ULK4: variants seen among roughly 807,000 people sequenced by gnomAD.
The protein encoded by ULK4 is inactive serine/threonine-protein kinase ULK4.
ULK4 carries 133 observed loss-of-function variants against 160.6 expected under a neutral mutation model. That is an observed-to-expected ratio of 0.83 (90% CI 0.72 to 0.96). ULK4 has a LOEUF of 0.96. ULK4 is among the 40% of genes least tolerant of loss of function. The pLI is 0.00. For synonymous variants in ULK4, 534 were observed against 539.8 expected (o/e 0.99, Z 0.15); for missense variants, 1,580 against 1,499.5 (o/e 1.05, Z -0.89).
intron 32 of ULK4, among the ~76,000 whole-genome samples, chr3:41,553,576 C>T (rs1329268494): frequency 6.6e-6 from 1 of 151,868 alleles, no homozygotes; most frequent in African/African-American, 2.4e-5. Context: ...TGGCTATTAC[C>T]AAAAGGACAA....
At chr3:41,618,137 C>A (rs149290264) in intron 30 of ULK4, among the ~76,000 whole-genome samples, 3 of 152,064 alleles carry the variant, frequency 2.0e-5, no homozygotes, top group Non-Finnish European at 4.4e-5. Context: ...AAAGACCAAA[C>A]CTATGATTGA....
intron 30 of ULK4, among the ~76,000 whole-genome samples, chr3:41,653,419 G>A (rs984690604): frequency 5.9e-5 from 9 of 152,200 alleles, no homozygotes; most frequent in African/African-American, 1.7e-4. Flanking sequence ...CCAGTGGCAT[G>A]GTATGCCCTT....
At chr3:41,802,983 G>C (rs2040510893) in intron 19 of ULK4, among the ~76,000 whole-genome samples, 1 of 152,044 alleles carries the variant, frequency 6.6e-6, no homozygotes, top group African/African-American at 2.4e-5. Context: ...TGTCCAATAT[G>C]GTGAAACCCC....
intron 22 of ULK4, among the ~76,000 whole-genome samples, chr3:41,722,672 A>C (rs989435449): frequency 6.6e-6 from 1 of 151,444 alleles, no homozygotes; most frequent in Non-Finnish European, 1.5e-5. Context: ...ATAAAATGAA[A>C]GAGAGCCTGA....
At chr3:41,414,291 T>A (rs555177146) in intron 34 of ULK4, among the ~76,000 whole-genome samples, 1 of 152,302 alleles carries the variant, frequency 6.6e-6, no homozygotes, top group South Asian at 2.1e-4. Flanking sequence ...GCAAGCACTC[T>A]TATTAGCCAC....
At chr3:41,332,524 A>G (rs951712445) in intron 35 of ULK4, among the ~76,000 whole-genome samples, 1 of 152,224 alleles carries the variant, frequency 6.6e-6, no homozygotes, top group Non-Finnish European at 1.5e-5. Context: ...CTTTGCTTGG[A>G]TGAGCAGATG....
chr3:41,689,850 A>C (rs1287247584), intron 27 of ULK4, among the ~76,000 whole-genome samples: 9 of 150,248 alleles, frequency 6.0e-5, no homozygotes, highest in South Asian at 2.1e-4. Context: ...GTGGGACTGT[A>C]AACTAGTTCA....
intron 32 of ULK4, among the ~76,000 whole-genome samples, chr3:41,541,494 T>C (rs1015491089): frequency 1.3e-5 from 2 of 152,160 alleles, no homozygotes; most frequent in Admixed American, 1.3e-4. Context: ...TTGCTTAGGA[T>C]TGTCTTGGCT....
Position 41,800,210 on chromosome 3 carries a change from A to T in ULK4, c.1932T>A (p.Ile644=). The change falls in exon 20 of 37, where the codon ATT becomes ATA. Residue 644 remains isoleucine (I), a synonymous_variant. Transcript: ENST00000301831. ...ACAAAATGGGTCCTATTTCTCCTGT[A>T]ATAAAGCCCTGGGACTGAGCAGAAA... is the stretch of plus-strand genomic sequence containing the variant. ...TTFSAQSQGF[I]TGEIGPILWY... 1 of 1,613,884 alleles carries T rather than the reference A, an allele frequency of 6.2e-7. No individual in the cohort carries two copies. The highest frequency in any genetic ancestry group is 2.2e-5 in the East Asian group (1 of 44,856).
At chr3:41,648,045 C>T (rs977771172) in intron 30 of ULK4, among the ~76,000 whole-genome samples, 11 of 152,196 alleles carry the variant, frequency 7.2e-5, no homozygotes, top group African/African-American at 2.4e-4. Context: ...TTAAGCCCGT[C>T]GGAAAAGCGC....
At chr3:41,492,347 A>G (rs2084806969) in intron 32 of ULK4, among the ~76,000 whole-genome samples, 1 of 152,136 alleles carries the variant, frequency 6.6e-6, no homozygotes, top group South Asian at 2.1e-4. Context: ...CAGTCCCGCC[A>G]ACAGTGTAAA....
chr3:41,938,037 C>T (rs1699833492), intron 3 of ULK4, 61 bp downstream of exon 3: 2 of 1,305,526 alleles, frequency 1.5e-6, no homozygotes, highest in Admixed American at 4.4e-5. Flanking sequence ...AGTAACAAAA[C>T]TTAACAGCAT....
intron 30 of ULK4, among the ~76,000 whole-genome samples, chr3:41,620,153 G>C (rs186160214): frequency 2.2e-3 from 335 of 152,304 alleles, no homozygotes; most frequent in African/African-American, 7.7e-3. Flanking sequence ...CCCAGGACCA[G>C]ACAAATTCAC....
chr3:41,565,667 CA>C lies in ULK4; in HGVS notation c.3226+357del, dbSNP rs199818627. On this transcript the variant is annotated intron_variant, in intron 32 of 36. Transcript: ENST00000301831. ...AGCCCCTCAATCTTGGACTTCTCAG[CA>C]TCTAGAACTGTACAAAATAGATTTC... 1.4e-3 allele frequency among the ~76,000 whole-genome samples: 213 copies of C among 152,318 alleles called. 4 individuals are homozygous for C. The East Asian group carries it at 0.035, about 25-fold the overall frequency.
intron 31 of ULK4, among the ~76,000 whole-genome samples, chr3:41,608,127 T>C (rs1483102834): frequency 6.6e-6 from 1 of 152,224 alleles, no homozygotes. Context: ...TTTTTCCAAT[T>C]TGGTATCTCT....
chr3:41,815,222 T>C (rs1411783988), intron 19 of ULK4, among the ~76,000 whole-genome samples: 2 of 152,240 alleles, frequency 1.3e-5, no homozygotes, highest in African/African-American at 4.8e-5. Context: ...TGTTTTATAG[T>C]CATTTTCTCT....
At chr3:41,780,385 AT>A (rs146283184) in intron 21 of ULK4, among the ~76,000 whole-genome samples, 6,699 of 151,768 alleles carry the variant, frequency 0.044, 456 homozygotes, top group African/African-American at 0.15. Flanking sequence ...TATATTAAAA[AT>A]ATAAAAGATG....
At chr3:41,681,927 G>T in intron 27 of ULK4, 123 bp from the exon 28 acceptor site, 1 of 958,830 alleles carries the variant, frequency 1.0e-6, no homozygotes, top group Non-Finnish European at 1.6e-6. Flanking sequence ...CAACGGCTAA[G>T]TTTATCCTGG....
At chr3:41,825,879 G>T (rs1313469653) in intron 18 of ULK4, among the ~76,000 whole-genome samples, 1 of 152,160 alleles carries the variant, frequency 6.6e-6, no homozygotes, top group Non-Finnish European at 1.5e-5. Flanking sequence ...AAGTTGAAAT[G>T]AAGAACAAAA....
Sources: gnomAD v4.1 joint callset for allele counts (sites outside exome capture counted in the v4.1 genomes callset) on GRCh38, gnomAD v4.1.1 for gene constraint, MANE v1.5 for transcripts, NCBI Gene and HGNC (gene_info 2026-07-23, HGNC 2026-07-21) for gene names.